The following ALDH8A1 variants were observed in gnomAD, a reference collection of about 807,000 sequenced individuals.
ALDH8A1 encodes 2-aminomuconic semialdehyde dehydrogenase.
A neutral mutation model predicts 43.3 loss-of-function variants in ALDH8A1; 39 were observed. The observed-to-expected ratio is 0.90, with a 90% CI of 0.70 to 1.18. The LOEUF is 1.18. Ranked by LOEUF, ALDH8A1 falls within the 50% of genes most tolerant of loss-of-function variation. ALDH8A1 has a pLI of 0.00. For missense variants in ALDH8A1, 605 were observed against 622.6 expected (o/e 0.97, Z 0.30); for synonymous variants, 233 against 243.5 (o/e 0.96, Z 0.40).
At chr6:134,927,265 C>A (rs994683564) in intron 6 of ALDH8A1, among the ~76,000 whole-genome samples, 4 of 152,036 alleles carry the variant, frequency 2.6e-5, no homozygotes, top group Non-Finnish European at 4.4e-5. Context: ...ATATTTAATT[C>A]TCCAACAGTG....
In ALDH8A1 at chr6:134,918,240, AG is replaced by A; in HGVS notation, c.*174del. The stretch of plus-strand genomic sequence containing the variant: ...TTTTTTCCGAGTCCACATTGAAAAT[AG>A]ACAGTATCTCTTCACTAGTGGGTAA... On this transcript the variant is annotated 3_prime_UTR_variant, in exon 7 of 7. Coordinates refer to ENST00000265605, the MANE Select transcript of ALDH8A1 (RefSeq NM_022568.4). The A allele has an allele frequency of 1.6e-6, 1 of 619,922 alleles. No homozygotes were observed. The highest frequency in any genetic ancestry group is 2.8e-6 in the Non-Finnish European group (1 of 359,542). The allele number at this position is 619,922 out of a possible 1,614,324, so 38.4% of individuals were successfully genotyped here.
intron 5 of ALDH8A1, among the ~76,000 whole-genome samples, chr6:134,930,535 A>T (rs1225198754): frequency 6.6e-6 from 1 of 152,264 alleles, no homozygotes; most frequent in Non-Finnish European, 1.5e-5. Flanking sequence ...CTTAGAAAAT[A>T]GAAGGTTCCT....
chr6:134,918,682 GAC>G lies in ALDH8A1; in HGVS notation c.1195_1196del (p.Val399ArgfsTer4). 6.2e-7 allele frequency: 1 copy of G among 1,614,120 alleles called. No homozygotes were observed. The highest frequency in any genetic ancestry group is 8.5e-7 in the Non-Finnish European group (1 of 1,180,012). On this transcript the variant is annotated frameshift_variant, in exon 7 of 7. Coordinates refer to ENST00000265605, the MANE Select transcript of ALDH8A1 (RefSeq NM_022568.4). LOFTEE classifies it high-confidence loss of function. ...CCTCCTCTTCACTATCAAAGGGGAC[GAC>G]ACACGTCACTGGACCAAATATCTCT... ...TEEIFGPVTCVVPFDSEEEVI... is the reference protein window; with the variant it reads ...TEEIFGPVTCXVPFDSEEEVI...
chr6:134,926,027 G>A (rs910814424), intron 6 of ALDH8A1, among the ~76,000 whole-genome samples: 8 of 152,050 alleles, frequency 5.3e-5, no homozygotes, highest in African/African-American at 1.9e-4. Flanking sequence ...GGAACAGATC[G>A]TAGCCAGTTT....
chr6:134,941,005 A>AT (rs1053837825), intron 3 of ALDH8A1, among the ~76,000 whole-genome samples: 13 of 152,236 alleles, frequency 8.5e-5, no homozygotes, highest in African/African-American at 2.6e-4. Flanking sequence ...TAAAAAGATG[A>AT]TTTTTTTCTC....
chr6:134,942,376 C>G, intron 3 of ALDH8A1, 33 bp downstream of exon 3: 1 of 1,550,710 alleles, frequency 6.4e-7, no homozygotes, highest in Non-Finnish European at 8.8e-7. Flanking sequence ...GCAAGCATAA[C>G]CGGGAGGTGG....
rs772855340 is a variant in ALDH8A1 at position 134,929,104 on chromosome 6, C to A, written c.961G>T (p.Asp321Tyr). 1 of 1,614,190 alleles carries A rather than the reference C, an allele frequency of 6.2e-7. No homozygotes were observed. The highest frequency in any genetic ancestry group is 8.5e-7 in the Non-Finnish European group (1 of 1,180,034). ...AGAGCACCTATGCTCACCAGTGGAT[C>A]AGAGGGAATGCCGACTTTCCACTTT... ...TRKWKVGIPS[D>Y]PLVSIGALIS... The change falls in exon 6 of 7, where the codon GAT becomes TAT. Residue 321 changes from aspartate (D) to tyrosine (Y), a missense_variant. Physicochemically the swap from Asp to Tyr is radical, Grantham distance 160 (BLOSUM62 -3). Transcript: ENST00000265605.
intron 1 of ALDH8A1, among the ~76,000 whole-genome samples, chr6:134,945,125 T>C (rs752850640): frequency 1.3e-5 from 2 of 152,068 alleles, no homozygotes; most frequent in Non-Finnish European, 2.9e-5. Context: ...AATTTTTATA[T>C]AAGGGAATAT....
intron 4 of ALDH8A1, among the ~76,000 whole-genome samples, chr6:134,937,651 G>A (rs1218863477): frequency 3.3e-5 from 5 of 152,154 alleles, no homozygotes; most frequent in South Asian, 2.1e-4. Flanking sequence ...GGCTCTGCAC[G>A]CCACCCCTGC....
chr6:134,923,694 A>T (rs1317114911), intron 6 of ALDH8A1, among the ~76,000 whole-genome samples: 1 of 152,196 alleles, frequency 6.6e-6, no homozygotes. Context: ...AAAAATATTG[A>T]ATATAATAAG....
At chr6:134,919,394 A>G (rs2114673589) in intron 6 of ALDH8A1, among the ~76,000 whole-genome samples, 1 of 152,340 alleles carries the variant, frequency 6.6e-6, no homozygotes, top group East Asian at 1.9e-4. Context: ...ATGCCCTTTA[A>G]TAGATGAGCT....
At chr6:134,918,945 T>C in intron 6 of ALDH8A1, 78 bp from the exon 7 acceptor site, 1 of 1,465,800 alleles carries the variant, frequency 6.8e-7, no homozygotes, top group Non-Finnish European at 9.4e-7. Context: ...CAATGTTTTC[T>C]AATCATCTCG....
At chr6:134,928,132 T>C (rs560650509) in intron 6 of ALDH8A1, among the ~76,000 whole-genome samples, 3 of 152,320 alleles carry the variant, frequency 2.0e-5, no homozygotes, top group African/African-American at 7.2e-5. Context: ...TTCCCAGTCC[T>C]TTCTCTCTCC....
chr6:134,944,135 T>C, intron 1 of ALDH8A1, 169 bp from the exon 2 acceptor site: 1 of 877,994 alleles, frequency 1.1e-6, no homozygotes, highest in East Asian at 3.0e-5. Flanking sequence ...TGGCGCAATT[T>C]TGGCTCACTG....
At chr6:134,932,293 C>A (rs1267240728) in intron 5 of ALDH8A1, among the ~76,000 whole-genome samples, 1 of 152,178 alleles carries the variant, frequency 6.6e-6, no homozygotes, top group Non-Finnish European at 1.5e-5. Flanking sequence ...TGCCCTGAAG[C>A]TGATCCATGA....
intron 1 of ALDH8A1, among the ~76,000 whole-genome samples, chr6:134,949,335 A>G (rs949108122): frequency 2.0e-5 from 3 of 152,216 alleles, no homozygotes; most frequent in Non-Finnish European, 4.4e-5. Context: ...ATGCCATTAA[A>G]CACTTTGGAT....
At chr6:134,937,019 C>CACACACACACCCACCT (rs1773754191) in intron 4 of ALDH8A1, among the ~76,000 whole-genome samples, 1 of 151,908 alleles carries the variant, frequency 6.6e-6, no homozygotes, top group Non-Finnish European at 1.5e-5. Flanking sequence ...AAATAGAGCA[C>CACACACACACCCACCT]ACACACACAC....
chr6:134,931,428 T>A (rs565507346), intron 5 of ALDH8A1, among the ~76,000 whole-genome samples: 1 of 152,274 alleles, frequency 6.6e-6, no homozygotes, highest in African/African-American at 2.4e-5. Context: ...TATGCCCAGC[T>A]AATTTTTGTA....
In ALDH8A1 at chr6:134,918,856, G is replaced by GT. The variant is rs755497194; in HGVS notation, c.1022dup (p.Tyr341Ter). 1.9e-5 allele frequency: 31 copies of GT among 1,613,684 alleles called. No individual in the cohort carries two copies. The highest frequency in any genetic ancestry group is 1.8e-4 in the Admixed American group (11 of 59,986). ...CACCTTCAGCAAGAGCTCTCTTGACGTAACTTCTGACCTGCGTGGGTAAAA... is the reference window on the plus strand; with the variant it reads ...CACCTTCAGCAAGAGCTCTCTTGACGTTAACTTCTGACCTGCGTGGGTAAAA... The part of the protein sequence containing the change: ...SKAHLEKVRS[Y>*]VKRALAEGAQ... The change falls in exon 7 of 7, where the codon TAC (tyrosine) becomes TAAC (stop). Residue 341 changes from tyrosine to a stop codon, truncating the protein, a stop_gained and frameshift_variant. Coordinates refer to ENST00000265605, the MANE Select transcript of ALDH8A1 (RefSeq NM_022568.4). LOFTEE classifies it high-confidence loss of function.
Sources: gnomAD v4.1 joint callset for allele counts (sites outside exome capture counted in the v4.1 genomes callset) on GRCh38, gnomAD v4.1.1 for gene constraint, MANE v1.5 for transcripts, NCBI Gene and HGNC (gene_info 2026-07-23, HGNC 2026-07-21) for gene names.